The following AKAP13 variants were observed in gnomAD, a reference collection of about 807,000 sequenced individuals.
The protein encoded by AKAP13 is A-kinase anchoring protein 13.
Under a neutral mutation model 264.5 loss-of-function variants are expected in AKAP13, and 80 were observed. The observed-to-expected ratio is 0.30, with a 90% confidence interval of 0.25 to 0.36. The LOEUF (loss-of-function observed/expected upper bound fraction) is 0.36. Ranked by LOEUF, AKAP13 falls within the 10% of genes least tolerant of loss-of-function variation. AKAP13 has a pLI of 1.00. For synonymous variants in AKAP13, 1,380 were observed against 1,250.2 expected (o/e 1.10, Z -2.19); for missense variants, 3,712 against 3,435.2 (o/e 1.08, Z -2.01).
chr15:85,568,079 T>TA (rs2078673754), intron 5 of AKAP13, among the ~76,000 whole-genome samples: 1 of 151,804 alleles, frequency 6.6e-6, no homozygotes, highest in South Asian at 2.1e-4. Flanking sequence ...GGCAGGCAGA[T>TA]TCCTTAAGTC....
intron 10 of AKAP13, among the ~76,000 whole-genome samples, chr15:85,647,629 C>G (rs555807715): frequency 3.5e-4 from 53 of 151,816 alleles, no homozygotes; most frequent in Non-Finnish European, 5.4e-4. Flanking sequence ...AGTGACTTGA[C>G]AAAAAATTCT....
rs529460222 is a variant in AKAP13, at chr15:85,483,773, T to C, written c.-11-1937T>C. On this transcript the variant is annotated intron_variant, in intron 1 of 36. Transcript: ENST00000394518. ...TTGCAGTGAGCCAAGATTGTGCCAC[T>C]GCGCTCTAGCCTGGGCGACAGAGCG... 2.6e-5 allele frequency among the ~76,000 whole-genome samples: 4 copies of C among 151,188 alleles called. No homozygotes were observed. The South Asian group carries it at 8.4e-4, about 32-fold the overall frequency.
rs1290903303 is a variant in AKAP13 at position 85,726,532 on chromosome 15, T to G, written c.6822+46T>G. The G allele has an allele frequency of 2.0e-6, 3 of 1,518,554 alleles. No individual in the cohort carries two copies. The Admixed American group carries it at 5.1e-5, about 26-fold the overall frequency. The allele number at this position is 1,518,554 out of a possible 1,614,324, so 94.1% of individuals were successfully genotyped here. On this transcript the variant is annotated intron_variant, in intron 27 of 36. Transcript: ENST00000394518. ...TGTAATAGTATTATAAGCAGCTAGT[T>G]TAGTTATGGAATGTAAGCACTATGT...
chr15:85,425,901 G>A (rs373574899), intron 1 of AKAP13, among the ~76,000 whole-genome samples: 2 of 151,206 alleles, frequency 1.3e-5, no homozygotes, highest in Admixed American at 6.6e-5. Context: ...AACAAGATCG[G>A]TTTAAAAAAA....
At chr15:85,698,513 T>C (rs946142375) in intron 17 of AKAP13, among the ~76,000 whole-genome samples, 1 of 147,396 alleles carries the variant, frequency 6.8e-6, no homozygotes, top group Non-Finnish European at 1.5e-5. Context: ...AGATCAGAGG[T>C]TGCCAAACTT....
intron 15 of AKAP13, 145 bp downstream of exon 15, chr15:85,682,357 G>A (rs1398188263): frequency 7.3e-6 from 6 of 821,700 alleles, no homozygotes; most frequent in South Asian, 1.7e-5. Context: ...ATTAAAAGTG[G>A]TTTTGTCATG....
At chr15:85,449,348 A>G (rs1370046675) in intron 1 of AKAP13, among the ~76,000 whole-genome samples, 1 of 152,178 alleles carries the variant, frequency 6.6e-6, no homozygotes, top group Non-Finnish European at 1.5e-5. Context: ...GGGGTTTTGT[A>G]GATACAGAAT....
At chr15:85,562,574 A>AAAAAAAATAT (rs1351834745) in intron 5 of AKAP13, among the ~76,000 whole-genome samples, 1 of 77,686 alleles carries the variant, frequency 1.3e-5, no homozygotes, top group African/African-American at 4.0e-5. Context: ...CAAAAAAAAA[A>AAAAAAAATAT]ATATATATAT....
intron 18 of AKAP13, among the ~76,000 whole-genome samples, chr15:85,710,049 G>A (rs1350217001): frequency 6.6e-6 from 1 of 152,218 alleles, no homozygotes; most frequent in South Asian, 2.1e-4. Flanking sequence ...CAGATTAATC[G>A]CTTCAGTGTA....
chr15:85,391,599 C>G (rs2150805762), intron 1 of AKAP13, among the ~76,000 whole-genome samples: 1 of 151,252 alleles, frequency 6.6e-6, no homozygotes, highest in East Asian at 1.9e-4. Flanking sequence ...AGTCTCCCAC[C>G]TTAGCCTCCC....
Position 85,521,661 on chromosome 15 carries a change from G to C in AKAP13, c.181+86G>C, listed in dbSNP as rs952659808. On this transcript the variant is annotated intron_variant, in intron 3 of 36. Coordinates refer to ENST00000394518, the MANE Select transcript of AKAP13 (RefSeq NM_007200.5). ...GTTTATGAGTATAGAGTGACAGGAA[G>C]AGTGAAGTGTAGACAGTATAAAAAA... The C allele has an allele frequency of 4.1e-6, 6 of 1,458,154 alleles. No homozygotes were observed. In the Admixed American group the frequency reaches 6.4e-5, roughly 16 times the overall value. 90.3% of individuals were successfully genotyped at this position (1,458,154 alleles called of 1,614,324 possible). A position where few individuals can be genotyped will look rare whatever the true frequency, so the allele number is the denominator to read the frequency against.
Position 85,744,630 on chromosome 15 carries a change from G to T in AKAP13, c.8395G>T (p.Gly2799Cys), listed in dbSNP as rs1051470973. 1.9e-6 allele frequency: 3 copies of T among 1,613,752 alleles called. No individual in the cohort carries two copies. The highest frequency in any genetic ancestry group is 2.7e-5 in the African/African-American group (2 of 74,888). The stretch of plus-strand genomic sequence containing the variant: ...ATTCTTGGTTTTCACATTTCCAGAT[G>T]GTCCCGCGTCAGAAGTATCAGCAGA... ...NKTSRSQPGD[G>C]PASEVSAEGE... The change falls in exon 37 of 37, where the codon GGT becomes TGT. Residue 2799 changes from glycine to cysteine, a missense_variant and splice_region_variant. Transcript: ENST00000394518.
At chr15:85,480,600 T>C (rs994838257) in intron 1 of AKAP13, among the ~76,000 whole-genome samples, 14 of 151,634 alleles carry the variant, frequency 9.2e-5, no homozygotes, top group African/African-American at 3.4e-4. Context: ...CTTTCCTGTA[T>C]TGAGATGTAG....
intron 17 of AKAP13, among the ~76,000 whole-genome samples, chr15:85,697,427 GGC>G (rs2085627029): frequency 1.3e-5 from 2 of 152,294 alleles, no homozygotes; most frequent in East Asian, 3.9e-4. Flanking sequence ...AAATTAGCCA[GGC>G]TTGGTGGCGT....
At chr15:85,393,984 A>G (rs1005526262) in intron 1 of AKAP13, among the ~76,000 whole-genome samples, 1 of 152,238 alleles carries the variant, frequency 6.6e-6, no homozygotes, top group East Asian at 1.9e-4. Context: ...AAACTTGCCA[A>G]TAGAATTGTG....
At chr15:85,512,309 C>CATTGT (rs1567096876) in intron 2 of AKAP13, among the ~76,000 whole-genome samples, 55 of 152,284 alleles carry the variant, frequency 3.6e-4, no homozygotes, top group African/African-American at 1.3e-3. Flanking sequence ...CCAAGCAACA[C>CATTGT]GTTTGGGTTT....
At chr15:85,707,901 T>C (rs892547093) in intron 17 of AKAP13, 118 bp from the exon 18 acceptor site, 8 of 930,452 alleles carry the variant, frequency 8.6e-6, no homozygotes, top group African/African-American at 1.6e-5. Flanking sequence ...TCAGTCACAT[T>C]CTCACATGTG....
intron 1 of AKAP13, among the ~76,000 whole-genome samples, chr15:85,458,540 AT>A (rs2074381012): frequency 6.6e-6 from 1 of 151,816 alleles, no homozygotes; most frequent in Admixed American, 6.6e-5. Flanking sequence ...TCCTAATGTT[AT>A]ATAGATTATT....
intron 1 of AKAP13, among the ~76,000 whole-genome samples, chr15:85,432,854 T>C (rs1307653927): frequency 6.6e-6 from 1 of 152,126 alleles, no homozygotes; most frequent in Non-Finnish European, 1.5e-5. Flanking sequence ...TGCTGTCATA[T>C]TTTTGAAAGG....
Sources: allele counts gnomAD v4.1 joint callset (sites outside exome capture counted in the v4.1 genomes callset), GRCh38; gene constraint gnomAD v4.1.1; transcripts MANE v1.5; gene names NCBI Gene and HGNC (gene_info 2026-07-23, HGNC 2026-07-21).